PCDH15: variants seen among roughly 807,000 people sequenced by gnomAD.
PCDH15 encodes the protein protocadherin-15.
PCDH15 carries 129 observed loss-of-function variants against 178.5 expected under a neutral mutation model. That is an observed-to-expected ratio of 0.72 (90% CI 0.63 to 0.84). PCDH15 has a LOEUF of 0.84. Ranked by LOEUF, PCDH15 falls within the 40% of genes least tolerant of loss-of-function variation. PCDH15 has a pLI of 0.00. For synonymous variants in PCDH15, 800 were observed against 732.0 expected (o/e 1.09, Z -1.50); for missense variants, 2,230 against 2,099.9 (o/e 1.06, Z -1.21).
chr10:54,151,668 A>C (rs2044550195), intron 14 of PCDH15, among the ~76,000 whole-genome samples: 1 of 152,182 alleles, frequency 6.6e-6, no homozygotes, highest in African/African-American at 2.4e-5. Flanking sequence ...AAACACAAAA[A>C]AATGCATGGA....
intron 8 of PCDH15, among the ~76,000 whole-genome samples, chr10:54,273,521 T>C (rs1045357243): frequency 6.6e-6 from 1 of 152,000 alleles, no homozygotes; most frequent in Non-Finnish European, 1.5e-5. Context: ...ATAAATGTAG[T>C]AGCAATGTAA....
intron 2 of PCDH15, among the ~76,000 whole-genome samples, chr10:54,655,304 CAGAGAGAGAGACAG>C (rs2094372659): frequency 9.9e-5 from 8 of 80,644 alleles, no homozygotes; most frequent in African/African-American, 3.3e-4. Context: ...GAGAGAGAGA[CAGAGAGAGAGACAG>C]AGAAAGAGAG....
chr10:55,481,619 T>C (rs1840183036), intron 2 of PCDH15, among the ~76,000 whole-genome samples: 1 of 151,946 alleles, frequency 6.6e-6, no homozygotes, highest in Admixed American at 6.6e-5. Context: ...AGCAGGTTAT[T>C]CAACTTCCAT....
At chr10:53,853,313 T>C (rs2078511484) in intron 28 of PCDH15, among the ~76,000 whole-genome samples, 1 of 151,810 alleles carries the variant, frequency 6.6e-6, no homozygotes, top group African/African-American at 2.4e-5. Flanking sequence ...AACCATAAAA[T>C]GCCTAGAATA....
At chr10:54,473,840 T>C (rs1482252727) in intron 3 of PCDH15, among the ~76,000 whole-genome samples, 1 of 151,850 alleles carries the variant, frequency 6.6e-6, no homozygotes, top group African/African-American at 2.4e-5. Flanking sequence ...TCTAATAATT[T>C]TTCTATATAC....
intron 2 of PCDH15, among the ~76,000 whole-genome samples, chr10:55,330,867 T>TGTG (rs1297122784): frequency 2.8e-5 from 4 of 142,546 alleles, no homozygotes; most frequent in Non-Finnish European, 3.1e-5. Flanking sequence ...TGTGTGTGTG[T>TGTG]GTATGTGTAT....
chr10:55,315,150 C>A (rs982713218), intron 1 of PCDH15, among the ~76,000 whole-genome samples: 12 of 151,994 alleles, frequency 7.9e-5, no homozygotes, highest in Non-Finnish European at 1.5e-4. Flanking sequence ...ACTGTACTTT[C>A]TTTCTATAAT....
At chr10:54,456,584 C>T (rs1022529025) in intron 3 of PCDH15, among the ~76,000 whole-genome samples, 3 of 152,060 alleles carry the variant, frequency 2.0e-5, no homozygotes, top group East Asian at 1.9e-4. Context: ...CTTGAACTTT[C>T]GAGTACATGC....
chr10:54,801,219 A>C lies in PCDH15; in HGVS notation c.-323T>G, dbSNP rs1406147796. 1 of 152,218 alleles carries C rather than the reference A, an allele frequency of 6.6e-6. No individual in the cohort carries two copies. The highest frequency in any genetic ancestry group is 2.4e-5 in the African/African-American group (1 of 41,468). The allele number at this position is 152,218 out of a possible 1,614,324, so 9.4% of individuals were successfully genotyped here. A position where few individuals can be genotyped will look rare whatever the true frequency, so the allele number is the denominator to read the frequency against. ...ATGTATGCCACCTGCCTTAGTTACCACAAGCAACTAACACTAAGCTGCTAG... is the reference window on the plus strand; with the variant it reads ...ATGTATGCCACCTGCCTTAGTTACCCCAAGCAACTAACACTAAGCTGCTAG... On this transcript the variant is annotated 5_prime_UTR_variant, in exon 1 of 38. Transcript: ENST00000644397.
chr10:53,963,050 G>A (rs767802135), intron 21 of PCDH15, among the ~76,000 whole-genome samples: 1 of 152,186 alleles, frequency 6.6e-6, no homozygotes, highest in Non-Finnish European at 1.5e-5. Flanking sequence ...TTATTCTGAT[G>A]AAGAAGAAGT....
chr10:54,834,194 C>CT (rs1318880018), intron 3 of PCDH15, among the ~76,000 whole-genome samples: 1,544 of 143,802 alleles, frequency 0.011, 22 homozygotes, highest in African/African-American at 0.032. Context: ...TTTTTACTAC[C>CT]TTTTTTTTTT....
intron 3 of PCDH15, among the ~76,000 whole-genome samples, chr10:54,461,502 A>G (rs2077163196): frequency 6.6e-6 from 1 of 152,128 alleles, no homozygotes; most frequent in Non-Finnish European, 1.5e-5. Context: ...CATCTCTTGG[A>G]TTTATGACTC....
At chr10:55,501,695 G>A (rs1840659984) in intron 2 of PCDH15, among the ~76,000 whole-genome samples, 1 of 151,704 alleles carries the variant, frequency 6.6e-6, no homozygotes, top group Non-Finnish European at 1.5e-5. Context: ...TTACAAGTTT[G>A]GAGTAGTTAT....
chr10:54,802,816 G>T (rs928727117), upstream of PCDH15, among the ~76,000 whole-genome samples: 1 of 152,192 alleles, frequency 6.6e-6, no homozygotes. Flanking sequence ...CCTCATTCGT[G>T]GTAATGTTCA....
intron 35 of PCDH15, among the ~76,000 whole-genome samples, chr10:53,815,412 G>A (rs1437789883): frequency 1.3e-5 from 2 of 152,092 alleles, no homozygotes; most frequent in Non-Finnish European, 2.9e-5. Context: ...TCTTGACTAA[G>A]GTCTTGCATA....
At chr10:54,822,045 T>C (rs1413486163) in intron 3 of PCDH15, among the ~76,000 whole-genome samples, 1 of 152,164 alleles carries the variant, frequency 6.6e-6, no homozygotes, top group Non-Finnish European at 1.5e-5. Flanking sequence ...TACATAATAG[T>C]TGTTTAGATT....
chr10:55,242,773 C>G, intron 1 of PCDH15, among the ~76,000 whole-genome samples: 1 of 152,192 alleles, frequency 6.6e-6, no homozygotes, highest in East Asian at 1.9e-4. Context: ...ATCATCTGTG[C>G]CCAGGAGGTT....
intron 18 of PCDH15, among the ~76,000 whole-genome samples, chr10:54,027,917 C>T (rs990290514): frequency 8.6e-4 from 130 of 150,518 alleles, no homozygotes; most frequent in African/African-American, 2.4e-3. Flanking sequence ...AAAGCAATGG[C>T]AACAAAAGAC....
intron 4 of PCDH15, among the ~76,000 whole-genome samples, chr10:54,377,445 G>T (rs1264397890): frequency 2.0e-5 from 3 of 152,062 alleles, no homozygotes; most frequent in African/African-American, 7.2e-5. Context: ...TTTGATGAAT[G>T]AACCCCTAAA....
Sources: gnomAD v4.1 joint callset for allele counts (sites outside exome capture counted in the v4.1 genomes callset) on GRCh38, gnomAD v4.1.1 for gene constraint, MANE v1.5 for transcripts, NCBI Gene and HGNC (gene_info 2026-07-23, HGNC 2026-07-21) for gene names.